CDH20: variants seen among roughly 807,000 people sequenced by gnomAD.
CDH20 encodes cadherin 20.
In CDH20, 29 loss-of-function variants were observed where a neutral mutation model predicts 74.2. The ratio of observed to expected loss-of-function variants is 0.39; its 90% CI spans 0.29 to 0.53. The LOEUF (loss-of-function observed/expected upper bound fraction) is 0.53. Among genes scored for constraint, CDH20 ranks in the 20% least tolerant of loss-of-function variants. CDH20 has a pLI of 0.69. For synonymous variants in CDH20, 469 were observed against 405.4 expected, an observed-to-expected ratio of 1.16 and a Z score of -1.88; for missense variants, 988 against 1,048.3, an observed-to-expected ratio of 0.94 and a Z score of 0.79.
At position 61,426,574 on chromosome 18, in the gene CDH20, G is replaced by A. The variant is rs765600559; in HGVS notation, c.-152-63828G>A. On this transcript the variant is annotated intron_variant, in intron 1 of 11. Coordinates refer to ENST00000262717, the MANE Select transcript of CDH20 (RefSeq NM_031891.4). ...CTAACTGCAGCCTTACAGTTAAATC[G>A]GTTCCTTTGCATGGGTTCAGACTGA... Among the ~76,000 whole-genome samples, 118 of 152,046 alleles carry A rather than the reference G, an allele frequency of 7.8e-4. 2 individuals carry two copies. The highest frequency in any genetic ancestry group is 2.6e-4 in the Admixed American group (4 of 15,246).
chr18:61,462,251 CACA>C (rs1275369005), intron 1 of CDH20, among the ~76,000 whole-genome samples: 1 of 152,090 alleles, frequency 6.6e-6, no homozygotes, highest in Non-Finnish European at 1.5e-5. Context: ...TTAGTCATTT[CACA>C]ATGTATACAT....
At chr18:61,427,031 G>A (rs552628046) in intron 1 of CDH20, among the ~76,000 whole-genome samples, 7 of 152,282 alleles carry the variant, frequency 4.6e-5, no homozygotes, top group South Asian at 4.1e-4. Flanking sequence ...TCAGAACAGA[G>A]TGAGGGGCAA....
chr18:61,529,635 T>C (rs1018359813), intron 7 of CDH20, among the ~76,000 whole-genome samples: 2 of 152,172 alleles, frequency 1.3e-5, no homozygotes, highest in Non-Finnish European at 2.9e-5. Flanking sequence ...CAAAACATTG[T>C]GTGTATTTTC....
chr18:61,532,555 TACACAC>T (rs369755037), intron 7 of CDH20, among the ~76,000 whole-genome samples: 2 of 41,372 alleles, frequency 4.8e-5, no homozygotes, highest in Admixed American at 2.6e-4. Flanking sequence ...TATATATATA[TACACAC>T]ACACACACAT....
intron 3 of CDH20, 119 bp downstream of exon 3, chr18:61,499,599 GA>G: frequency 1.2e-6 from 1 of 827,790 alleles, no homozygotes; most frequent in East Asian, 2.6e-5. Context: ...AGGAGAGCAT[GA>G]GAGGAGAAGC....
At position 61,538,619 on chromosome 18, in the gene CDH20, TGTTTTG is replaced by T. The variant is rs1423786615; in HGVS notation, c.1409-404_1409-399del. ...TTGTTTTTGTTTTTGTTTTTGTTTT[TGTTTTG>T]TTTTTTTTTTTGAGACGGAGTCTTA... On this transcript the variant is annotated intron_variant, in intron 8 of 11. Coordinates refer to ENST00000262717, the MANE Select transcript of CDH20 (RefSeq NM_031891.4). Among the ~76,000 whole-genome samples the T allele has an allele frequency of 7.8e-4, 42 of 53,694 alleles. 2 individuals are homozygous for T. Among genetic ancestry groups the T allele is most frequent in the East Asian group, 3.2e-3 (3 of 938 alleles). The allele number at this position is 53,694 out of a possible 152,430, so 35.2% of individuals were successfully genotyped here. A position where few individuals can be genotyped will look rare whatever the true frequency, so the allele number is the denominator to read the frequency against.
At position 61,499,287 on chromosome 18, in the gene CDH20, C is replaced by G. The variant is rs1206134446; in HGVS notation, c.348C>G (p.Ile116Met). Reference sequence around the variant, plus strand: ...CCATCGACGACACCACTGGAGACATCCACGCCATTCAGAGGCTCGACCGAG... The same window carrying G: ...CCATCGACGACACCACTGGAGACATGCACGCCATTCAGAGGCTCGACCGAG... ...VFTIDDTTGDIHAIQRLDREE... is the reference protein window; with the variant it reads ...VFTIDDTTGDMHAIQRLDREE... The change falls in exon 3 of 12, where the codon ATC becomes ATG. Residue 116 changes from isoleucine to methionine, a missense_variant. Physicochemically the swap from Ile to Met is conservative, Grantham distance 10. This residue lies in a region of CDH20 where 613 missense variants were observed against 755.2 expected (regional missense o/e 0.81). Coordinates refer to ENST00000262717, the MANE Select transcript of CDH20 (RefSeq NM_031891.4). The G allele has an allele frequency of 2.5e-6, 4 of 1,613,980 alleles. No homozygotes were observed. The Admixed American group carries it at 6.7e-5, about 27-fold the overall frequency.
intron 1 of CDH20, among the ~76,000 whole-genome samples, chr18:61,435,127 G>A (rs1908789333): frequency 6.6e-6 from 1 of 152,014 alleles, no homozygotes; most frequent in South Asian, 2.1e-4. Flanking sequence ...CTACAGATCA[G>A]GAAATTGATC....
chr18:61,408,283 G>A lies in CDH20; in HGVS notation c.-153+74456G>A, dbSNP rs553694412. 4.6e-5 allele frequency among the ~76,000 whole-genome samples: 7 copies of A among 152,216 alleles called. No homozygotes were observed. The East Asian group carries it at 1.4e-3, about 29-fold the overall frequency. Reference sequence around the variant, plus strand: ...AAATTAAGAATCAAGATTCATTTTGGGTTCAGAACTGACAGTACTGGTGTA... The same window carrying A: ...AAATTAAGAATCAAGATTCATTTTGAGTTCAGAACTGACAGTACTGGTGTA... On this transcript the variant is annotated intron_variant, in intron 1 of 11. Transcript: ENST00000262717.
chr18:61,491,552 C>A (rs1910960176), intron 2 of CDH20, among the ~76,000 whole-genome samples: 1 of 152,162 alleles, frequency 6.6e-6, no homozygotes, highest in Non-Finnish European at 1.5e-5. Flanking sequence ...GGGTTCAAAG[C>A]CCAGCCCTGC....
At chr18:61,452,913 A>G (rs1405462243) in intron 1 of CDH20, among the ~76,000 whole-genome samples, 3 of 152,206 alleles carry the variant, frequency 2.0e-5, no homozygotes, top group African/African-American at 4.8e-5. Flanking sequence ...TATTTTCAAT[A>G]AAAAGTAGGC....
chr18:61,509,898 T>C (rs1911719557), intron 6 of CDH20, among the ~76,000 whole-genome samples: 1 of 151,992 alleles, frequency 6.6e-6, no homozygotes, highest in South Asian at 2.1e-4. Flanking sequence ...TGGATGAGGA[T>C]ATGGAAGAAA....
At chr18:61,434,344 A>T (rs1908757595) in intron 1 of CDH20, among the ~76,000 whole-genome samples, 1 of 152,190 alleles carries the variant, frequency 6.6e-6, no homozygotes, top group African/African-American at 2.4e-5. Flanking sequence ...ATGGTACAGA[A>T]TTCTGTATTT....
chr18:61,453,278 T>G (rs1430914612), intron 1 of CDH20, among the ~76,000 whole-genome samples: 1 of 150,000 alleles, frequency 6.7e-6, no homozygotes, highest in African/African-American at 2.4e-5. Context: ...TCTTTTCTGT[T>G]TTTTTGTTTG....
chr18:61,512,119 C>T (rs1178950212), intron 6 of CDH20, among the ~76,000 whole-genome samples: 1 of 152,144 alleles, frequency 6.6e-6, no homozygotes, highest in Non-Finnish European at 1.5e-5. Flanking sequence ...GAAGCCCATA[C>T]TTTTTCAAAA....
intron 1 of CDH20, among the ~76,000 whole-genome samples, chr18:61,389,963 C>A (rs1382671255): frequency 6.6e-6 from 1 of 152,190 alleles, no homozygotes; most frequent in East Asian, 1.9e-4. Context: ...TAACAGTCAT[C>A]TTAAAAATAA....
chr18:61,400,916 T>C (rs1912132516), intron 1 of CDH20, among the ~76,000 whole-genome samples: 1 of 152,118 alleles, frequency 6.6e-6, no homozygotes, highest in African/African-American at 2.4e-5. Flanking sequence ...GCCTGACTCA[T>C]AATAAGTATT....
At chr18:61,442,403 A>T (rs1909065099) in intron 1 of CDH20, among the ~76,000 whole-genome samples, 1 of 151,492 alleles carries the variant, frequency 6.6e-6, no homozygotes, top group Non-Finnish European at 1.5e-5. Flanking sequence ...AATGCTGGTC[A>T]TGAGGACTTC....
At chr18:61,369,240 A>C (rs1910954488) in intron 1 of CDH20, among the ~76,000 whole-genome samples, 1 of 152,126 alleles carries the variant, frequency 6.6e-6, no homozygotes, top group Admixed American at 6.6e-5. Flanking sequence ...TCCGAGGTCA[A>C]ATACTTGTAG....
Sources: allele counts gnomAD v4.1 joint callset (sites outside exome capture counted in the v4.1 genomes callset), GRCh38; gene constraint gnomAD v4.1.1; regional missense constraint gnomAD v4.1.1; transcripts MANE v1.5; gene names NCBI Gene and HGNC (gene_info 2026-07-23, HGNC 2026-07-21).